Variants in ITIH2 observed in about 807,000 individuals in gnomAD.
ITIH2 encodes the protein inter-alpha-trypsin inhibitor heavy chain H2.
Under a neutral mutation model 104.4 loss-of-function variants are expected in ITIH2, and 103 were observed. The observed-to-expected ratio is 0.99, with a 90% CI of 0.84 to 1.16. The LOEUF is 1.16. Among genes scored for constraint, ITIH2 ranks in the 50% most tolerant of loss-of-function variants. The pLI is 0.00. For synonymous variants in ITIH2, 436 were observed against 435.4 expected (o/e 1.00, Z -0.02); for missense variants, 1,108 against 1,162.4 (o/e 0.95, Z 0.68).
intron 3 of ITIH2, among the ~76,000 whole-genome samples, chr10:7,708,140 G>A (rs372956949): frequency 7.8e-4 from 119 of 152,324 alleles, no homozygotes; most frequent in Non-Finnish European, 1.5e-3. Context: ...TTAATTAGTC[G>A]AAAGGTTTAA....
chr10:7,722,194 T>C (rs1834910821), intron 8 of ITIH2, among the ~76,000 whole-genome samples: 1 of 152,156 alleles, frequency 6.6e-6, no homozygotes, highest in Non-Finnish European at 1.5e-5. Context: ...ATGAAGTTTC[T>C]TGAAAAGTTT....
chr10:7,745,366 G>C (rs1250729916), intron 19 of ITIH2, among the ~76,000 whole-genome samples: 1 of 152,088 alleles, frequency 6.6e-6, no homozygotes, highest in Non-Finnish European at 1.5e-5. Flanking sequence ...ACTTTTTCCT[G>C]TGATCTGAGC....
At chr10:7,718,855 C>T (rs1342438095) in intron 6 of ITIH2, among the ~76,000 whole-genome samples, 1 of 152,210 alleles carries the variant, frequency 6.6e-6, no homozygotes, top group African/African-American at 2.4e-5. Context: ...TTCCCTGCCA[C>T]CCCAGCCATC....
chr10:7,725,228 A>AG (rs35116612), intron 9 of ITIH2, among the ~76,000 whole-genome samples: 1 of 152,228 alleles, frequency 6.6e-6, no homozygotes. Context: ...TGGCAATTGC[A>AG]GGGGTATGCA....
Position 7,738,615 on chromosome 10 carries a change from A to G in ITIH2, c.1958-6A>G. The G allele has an allele frequency of 6.2e-7, 1 of 1,613,318 alleles. No homozygotes were observed. The highest frequency in any genetic ancestry group is 8.5e-7 in the Non-Finnish European group (1 of 1,179,580). Reference sequence around the variant, plus strand: ...GAAACTAACAGATGCAGGTTTGTCTACGCAGGGGCCCTGTATTACGGCAGC... The same window carrying G: ...GAAACTAACAGATGCAGGTTTGTCTGCGCAGGGGCCCTGTATTACGGCAGC... On this transcript the variant is annotated splice_region_variant and splice_polypyrimidine_tract_variant and intron_variant, in intron 15 of 20. Coordinates refer to ENST00000358415, the MANE Select transcript of ITIH2 (RefSeq NM_002216.3).
At chr10:7,726,591 A>G (rs1178304732) in intron 9 of ITIH2, among the ~76,000 whole-genome samples, 2 of 152,180 alleles carry the variant, frequency 1.3e-5, no homozygotes, top group African/African-American at 4.8e-5. Flanking sequence ...TGGTGGTTTA[A>G]AGAGAAAGAT....
At position 7,734,914 on chromosome 10, in the gene ITIH2, G is replaced by C. The variant is rs200366304; in HGVS notation, c.1788-8G>C. 2.4e-4 allele frequency: 378 copies of C among 1,607,594 alleles called. 3 individuals carry two copies. The East Asian group carries it at 4.5e-3, about 19-fold the overall frequency. On this transcript the variant is annotated splice_region_variant and splice_polypyrimidine_tract_variant and intron_variant, in intron 14 of 20. Coordinates refer to ENST00000358415, the MANE Select transcript of ITIH2 (RefSeq NM_002216.3). ...ATGCTCCATAACACCTCTACTTCTT[G>C]AATACAGAAGCCTGGCTCCTACAGC...
At chr10:7,731,020 G>A (rs1346158375) in intron 12 of ITIH2, among the ~76,000 whole-genome samples, 1 of 152,156 alleles carries the variant, frequency 6.6e-6, no homozygotes, top group East Asian at 1.9e-4. Flanking sequence ...CTGGGTTCAG[G>A]CGATTCTCGC....
chr10:7,712,564 G>A (rs1834806123), intron 4 of ITIH2, among the ~76,000 whole-genome samples: 1 of 152,108 alleles, frequency 6.6e-6, no homozygotes, highest in Admixed American at 6.5e-5. Context: ...GATACCCAAA[G>A]AGAACCATCC....
rs755420130 is a variant in ITIH2 at position 7,727,812 on chromosome 10, T to G, written c.1263T>G (p.Asp421Glu). ...TCTCGCTGATCATTTTGGTTTCTGA[T>G]GGAGATCCAACAGTGGGCAAGTGTC... ...NSVSLIILVSDGDPTVGELKL... is the reference protein window; with the variant it reads ...NSVSLIILVSEGDPTVGELKL... Residue 421 changes from aspartate to glutamate, a missense_variant, in exon 11 of 21, where the codon GAT (aspartate) becomes GAG (glutamate). Coordinates refer to ENST00000358415, the MANE Select transcript of ITIH2 (RefSeq NM_002216.3). The G allele has an allele frequency of 1.9e-6, 3 of 1,614,176 alleles. No individual in the cohort carries two copies. The highest frequency in any genetic ancestry group is 8.5e-7 in the Non-Finnish European group (1 of 1,180,006).
At chr10:7,716,916 C>G (rs1214653357) in intron 5 of ITIH2, among the ~76,000 whole-genome samples, 1 of 150,846 alleles carries the variant, frequency 6.6e-6, no homozygotes, top group Non-Finnish European at 1.5e-5. Context: ...GTGGACTGGC[C>G]ATGGGGTCTT....
chr10:7,738,691 C>T lies in ITIH2; in HGVS notation c.2028C>T (p.Pro676=), dbSNP rs146607033. Residue 676 remains proline, a synonymous_variant, in exon 16 of 21, where the codon CCC becomes CCT. Transcript: ENST00000358415. The stretch of plus-strand genomic sequence containing the variant: ...CTTGGGCCAATCCTTCACCAACGCC[C>T]GTGATCTCCATGCTGGCACAAGGAT... ...TPSWANPSPT[P]VISMLAQGSQ... The T allele has an allele frequency of 1.9e-6, 3 of 1,613,734 alleles. No individual in the cohort carries two copies. The highest frequency in any genetic ancestry group is 1.7e-5 in the Admixed American group (1 of 60,004).
Position 7,717,661 on chromosome 10 carries a change from A to G in ITIH2, c.503A>G (p.Glu168Gly), listed in dbSNP as rs1335117327. The G allele has an allele frequency of 5.6e-6, 9 of 1,613,958 alleles. No individual in the cohort carries two copies. The highest frequency in any genetic ancestry group is 2.2e-5 in the East Asian group (1 of 44,884). Residue 168 changes from glutamate (E) to glycine (G), a missense_variant, in exon 6 of 21, where the codon GAA becomes GGA. By Grantham distance (98) the Glu-to-Gly change is moderately conservative. Transcript: ENST00000358415. ...SALDMENFRTEVNVLPGAKVQ... is the reference protein window; with the variant it reads ...SALDMENFRTGVNVLPGAKVQ... ...CTTGATATGGAAAACTTCAGAACGG[A>G]AGTAAATGTCCTCCCAGGAGCAAAG...
chr10:7,713,354 C>T (rs2130940691), intron 5 of ITIH2, 69 bp downstream of exon 5: 2 of 1,252,682 alleles, frequency 1.6e-6, no homozygotes, highest in South Asian at 2.5e-5. Flanking sequence ...TTCCTTCCCA[C>T]AGCAGCAAAG....
At chr10:7,733,139 C>G (rs1035536608) in intron 14 of ITIH2, among the ~76,000 whole-genome samples, 2 of 152,136 alleles carry the variant, frequency 1.3e-5, no homozygotes, top group Admixed American at 6.5e-5. Flanking sequence ...CACCCACCCC[C>G]CTCCTCCACT....
Position 7,735,099 on chromosome 10 carries a change from C to T in ITIH2, c.1957+8C>T. On this transcript the variant is annotated splice_region_variant and intron_variant, in intron 15 of 20. Coordinates refer to ENST00000358415, the MANE Select transcript of ITIH2 (RefSeq NM_002216.3). ...ATCCCTCCTGCTGCTCAGGTCAGGG[C>T]TGCACCTGTGGGGACAAGTGGCCAG... 6.3e-7 allele frequency: 1 copy of T among 1,599,644 alleles called. No individual in the cohort carries two copies.
At chr10:7,729,596 C>T in intron 11 of ITIH2, among the ~76,000 whole-genome samples, 1 of 151,996 alleles carries the variant, frequency 6.6e-6, no homozygotes, top group East Asian at 1.9e-4. Flanking sequence ...CTAAACATGC[C>T]CTTGAGATTG....
In ITIH2 at chr10:7,717,663, G is replaced by A; in HGVS notation, c.505G>A (p.Val169Ile). The A allele has an allele frequency of 6.2e-7, 1 of 1,614,034 alleles. No homozygotes were observed. Among genetic ancestry groups the A allele is most frequent in the Non-Finnish European group, 8.5e-7 (1 of 1,179,984 alleles). The change falls in exon 6 of 21, where the codon GTA (valine) becomes ATA (isoleucine). Residue 169 changes from valine (V) to isoleucine (I), a missense_variant. Coordinates refer to ENST00000358415, the MANE Select transcript of ITIH2 (RefSeq NM_002216.3). ...ALDMENFRTEVNVLPGAKVQF... is the reference protein window; with the variant it reads ...ALDMENFRTEINVLPGAKVQF... ...TGATATGGAAAACTTCAGAACGGAA[G>A]TAAATGTCCTCCCAGGAGCAAAGGT...
rs755687195 is a variant in ITIH2 at position 7,716,948 on chromosome 10, AT to A, written c.468-662del. Among the ~76,000 whole-genome samples the A allele has an allele frequency of 3.2e-3, 424 of 131,560 alleles. 1 individual carries two copies. Among genetic ancestry groups the A allele is most frequent in the South Asian group, 5.7e-3 (23 of 4,022 alleles). 86.3% of individuals were successfully genotyped at this position (131,560 alleles called of 152,430 possible). On this transcript the variant is annotated intron_variant, in intron 5 of 20. Transcript: ENST00000358415. ...TCTTGAGCAGGTCCTCTACAAGCCT[AT>A]TTTTTTTTTTTTTTTGAGACAGAGT...
Sources: allele counts gnomAD v4.1 joint callset (sites outside exome capture counted in the v4.1 genomes callset), GRCh38; gene constraint gnomAD v4.1.1; transcripts MANE v1.5; gene names NCBI Gene and HGNC (gene_info 2026-07-23, HGNC 2026-07-21).